LIMCH1: variants seen among roughly 807,000 people sequenced by gnomAD.
The protein encoded by LIMCH1 is LIM and calponin homology domains 1, also known as LIM and calponin homology domains-containing protein 1.
LIMCH1 carries 113 observed loss-of-function variants against 176.5 expected under a neutral mutation model. That is an observed-to-expected ratio of 0.64 (90% CI 0.55 to 0.75). The LOEUF is 0.75. Among genes scored for constraint, LIMCH1 ranks in the 30% least tolerant of loss-of-function variants. The pLI, the probability that LIMCH1 is intolerant of heterozygous loss-of-function variation, is 0.00. For synonymous variants in LIMCH1, 619 were observed against 645.9 expected (o/e 0.96, Z 0.63); for missense variants, 1,674 against 1,814.9 (o/e 0.92, Z 1.41).
intron 25 of LIMCH1, among the ~76,000 whole-genome samples, chr4:41,681,699 C>T (rs771024915): frequency 3.3e-4 from 50 of 151,986 alleles, no homozygotes; most frequent in African/African-American, 7.3e-5. Context: ...ATAAAAAAAA[C>T]TAATGCATGC....
chr4:41,384,757 C>T (rs1475934375), intron 1 of LIMCH1, among the ~76,000 whole-genome samples: 1 of 152,126 alleles, frequency 6.6e-6, no homozygotes, highest in Non-Finnish European at 1.5e-5. Context: ...AAGTTTGATG[C>T]TCTTTTTCTG....
intron 18 of LIMCH1, among the ~76,000 whole-genome samples, chr4:41,660,596 A>G (rs551403777): frequency 1.3e-5 from 2 of 152,352 alleles, no homozygotes; most frequent in South Asian, 2.1e-4. Context: ...GTATGAGTCA[A>G]AGATCACTTG....
At chr4:41,453,891 A>T (rs1244377973) in intron 1 of LIMCH1, among the ~76,000 whole-genome samples, 1 of 152,116 alleles carries the variant, frequency 6.6e-6, no homozygotes, top group Non-Finnish European at 1.5e-5. Flanking sequence ...TGAAGGGAAC[A>T]GTCTTTCTTT....
Position 41,404,497 on chromosome 4 carries a change from G to T in LIMCH1, c.96+43561G>T, listed in dbSNP as rs1581631590. Among the ~76,000 whole-genome samples, 4 of 152,238 alleles carry T rather than the reference G, an allele frequency of 2.6e-5. No homozygotes were observed. The South Asian group carries it at 8.3e-4, about 32-fold the overall frequency. ...TTCTTTTAAAAAAATTGATTAATAG[G>T]CTGGGTGCGGTGGCTCACGCTTGTA... On this transcript the variant is annotated intron_variant, in intron 1 of 26. Coordinates refer to the LIMCH1 transcript ENST00000313860.
In LIMCH1 at chr4:41,493,650, C is replaced by T. The variant is rs146573179; in HGVS notation, c.97-886C>T. ...TTGAGCATTCACAGATTTTGGTAGC[C>T]GAGATGGGTTTTGAAACCATTCCCC... On this transcript the variant is annotated intron_variant, in intron 1 of 26. Transcript: ENST00000313860. 6.2e-4 allele frequency among the ~76,000 whole-genome samples: 94 copies of T among 152,138 alleles called. 1 individual carries two copies. The highest frequency in any genetic ancestry group is 1.8e-3 in the African/African-American group (74 of 41,488).
chr4:41,689,099 G>GA (rs1723247972), intron 29 of LIMCH1, among the ~76,000 whole-genome samples: 1 of 152,106 alleles, frequency 6.6e-6, no homozygotes, highest in Non-Finnish European at 1.5e-5. Context: ...TAAGTAAAAA[G>GA]AAATGCTATA....
intron 31 of LIMCH1, among the ~76,000 whole-genome samples, chr4:41,696,705 A>G (rs1490790658): frequency 6.6e-6 from 1 of 152,224 alleles, no homozygotes; most frequent in African/African-American, 2.4e-5. Context: ...TACTTGCTGA[A>G]TCTAGCAATC....
chr4:41,406,074 T>G (rs1376069608), intron 1 of LIMCH1, among the ~76,000 whole-genome samples: 1 of 152,220 alleles, frequency 6.6e-6, no homozygotes, highest in East Asian at 1.9e-4. Context: ...AAGGAGCTTT[T>G]TGACGTAATC....
chr4:41,510,176 G>A (rs753570072), intron 2 of LIMCH1, among the ~76,000 whole-genome samples: 92 of 152,198 alleles, frequency 6.0e-4, no homozygotes, highest in African/African-American at 2.1e-3. Flanking sequence ...CTATTAATCT[G>A]CTCCTTAATA....
rs1028517399 is a variant in LIMCH1 at position 41,441,285 on chromosome 4, T to C, written c.97-53251T>C. 2.6e-5 allele frequency among the ~76,000 whole-genome samples: 4 copies of C among 152,348 alleles called. No individual in the cohort carries two copies. The South Asian group carries it at 8.3e-4, about 32-fold the overall frequency. On this transcript the variant is annotated intron_variant, in intron 1 of 26. Coordinates refer to the LIMCH1 transcript ENST00000313860. The stretch of plus-strand genomic sequence containing the variant: ...CCAAACAGCTTCTTTATAATTTAAA[T>C]CTATTAGCAATGTTTTAAGCAAAGA...
chr4:41,468,328 GCTCCC>G (rs1179576021), intron 1 of LIMCH1, among the ~76,000 whole-genome samples: 1 of 35,264 alleles, frequency 2.8e-5, no homozygotes, highest in East Asian at 9.2e-4. Context: ...TGCCTTCCCT[GCTCCC>G]CTCCCCTCCC....
intron 3 of LIMCH1, among the ~76,000 whole-genome samples, chr4:41,529,863 G>A (rs1561647374): frequency 6.6e-6 from 1 of 152,016 alleles, no homozygotes; most frequent in African/African-American, 2.4e-5. Flanking sequence ...GAAATTTGAC[G>A]CTAGCTGAAG....
chr4:41,553,443 G>GAAAA (rs1380043756), intron 1 of LIMCH1, among the ~76,000 whole-genome samples: 15 of 152,096 alleles, frequency 9.9e-5, no homozygotes, highest in Non-Finnish European at 2.1e-4. Context: ...CAGGCAGAAA[G>GAAAA]AAAAAGGTGG....
intron 1 of LIMCH1, among the ~76,000 whole-genome samples, chr4:41,488,866 T>G (rs1363782578): frequency 6.6e-6 from 1 of 152,200 alleles, no homozygotes; most frequent in African/African-American, 2.4e-5. Flanking sequence ...TATTCTTTCC[T>G]TTTCAATTAT....
At chr4:41,379,924 G>C (rs912206166) in intron 1 of LIMCH1, among the ~76,000 whole-genome samples, 15 of 152,084 alleles carry the variant, frequency 9.9e-5, no homozygotes, top group Admixed American at 5.2e-4. Context: ...TCAGCCCCCT[G>C]AGTAGCTGGG....
chr4:41,561,431 A>G (rs1291860977), intron 1 of LIMCH1, among the ~76,000 whole-genome samples: 3 of 152,192 alleles, frequency 2.0e-5, no homozygotes, highest in African/African-American at 7.2e-5. Flanking sequence ...TGAACATTTT[A>G]AAGTTCTTTG....
chr4:41,479,504 AGCCTTTCAAAAT>A (rs1333826272), intron 1 of LIMCH1, among the ~76,000 whole-genome samples: 17 of 152,158 alleles, frequency 1.1e-4, no homozygotes, highest in Admixed American at 1.1e-3. Flanking sequence ...CTTTCACTTC[AGCCTTTCAAAAT>A]GCTGGGATTA....
At chr4:41,620,800 C>A in intron 7 of LIMCH1, 110 bp downstream of exon 7, 1 of 1,250,274 alleles carries the variant, frequency 8.0e-7, no homozygotes, top group Non-Finnish European at 1.1e-6. Context: ...CCCGCTTTTC[C>A]TATTGCATCA....
rs937184546 is a variant in LIMCH1 at position 41,583,446 on chromosome 4, A to G, written c.-240-15474A>G. Among the ~76,000 whole-genome samples, 10 of 152,350 alleles carry G rather than the reference A, an allele frequency of 6.6e-5. No homozygotes were observed. The East Asian group carries it at 1.9e-3, about 29-fold the overall frequency. The stretch of plus-strand genomic sequence containing the variant: ...AGTTGCCAAGAATGTGCTAGGTGCT[A>G]TTTGGGAGAGATAACTTCCCCCATT... On this transcript the variant is annotated intron_variant, in intron 1 of 31. Coordinates refer to ENST00000503057, the MANE Select transcript of LIMCH1 (RefSeq NM_001330672.2).
Sources: allele counts gnomAD v4.1 joint callset (sites outside exome capture counted in the v4.1 genomes callset), GRCh38; gene constraint gnomAD v4.1.1; transcripts MANE v1.5; gene names NCBI Gene and HGNC (gene_info 2026-07-23, HGNC 2026-07-21).